Variants in TRIM33 observed in about 807,000 individuals in gnomAD.
TRIM33 encodes the protein tripartite motif containing 33.
Under a neutral mutation model 125.4 loss-of-function variants are expected in TRIM33, and 20 were observed. The ratio of observed to expected loss-of-function variants is 0.16; its 90% CI spans 0.11 to 0.23. The LOEUF is 0.23. TRIM33 is among the 10% of genes least tolerant of loss of function. The pLI is 1.00. For missense variants in TRIM33, 920 were observed against 1,411.4 expected (o/e 0.65, Z 5.58); for synonymous variants, 564 against 513.9 (o/e 1.10, Z -1.32).
intron 11 of TRIM33, among the ~76,000 whole-genome samples, chr1:114,417,719 C>T (rs187746507): frequency 3.6e-4 from 55 of 152,234 alleles, no homozygotes; most frequent in East Asian, 3.5e-3. Flanking sequence ...AGTGCAATGG[C>T]GCGATCTCGG....
Position 114,405,641 on chromosome 1 carries a change from T to A in TRIM33, c.2537A>T (p.Asn846Ile). ...GAGCCCTGACTGTTTGCAGCTTTCATTCATATCTGCAGGTTCAATTTTCAC... is the reference window on the plus strand; with the variant it reads ...GAGCCCTGACTGTTTGCAGCTTTCAATCATATCTGCAGGTTCAATTTTCAC... ...NHVKIEPADM[N>I]ESCKQSGLSS... The change falls in exon 15 of 20, where the codon AAT becomes ATT. Residue 846 changes from asparagine to isoleucine, a missense_variant. Coordinates refer to ENST00000358465, the MANE Select transcript of TRIM33 (RefSeq NM_015906.4). 1 of 1,614,212 alleles carries A rather than the reference T, an allele frequency of 6.2e-7. No individual in the cohort carries two copies. Among genetic ancestry groups the A allele is most frequent in the Non-Finnish European group, 8.5e-7 (1 of 1,180,018 alleles).
At chr1:114,455,654 A>T (rs903463628) in intron 4 of TRIM33, among the ~76,000 whole-genome samples, 4 of 152,234 alleles carry the variant, frequency 2.6e-5, no homozygotes, top group Non-Finnish European at 4.4e-5. Context: ...AATTGAACAC[A>T]GATGGAATTG....
intron 1 of TRIM33, among the ~76,000 whole-genome samples, chr1:114,470,669 A>C (rs1341236285): frequency 6.6e-6 from 1 of 152,196 alleles, no homozygotes; most frequent in African/African-American, 2.4e-5. Context: ...CAACAAGTCA[A>C]ACATCTCCTA....
At chr1:114,479,852 G>A (rs938841927) in intron 1 of TRIM33, among the ~76,000 whole-genome samples, 1 of 151,960 alleles carries the variant, frequency 6.6e-6, no homozygotes, top group African/African-American at 2.4e-5. Context: ...TGCCCCGTCC[G>A]GGAGGGAGGA....
chr1:114,442,476 G>T (rs910545674), intron 4 of TRIM33, among the ~76,000 whole-genome samples: 4 of 152,002 alleles, frequency 2.6e-5, no homozygotes, highest in African/African-American at 7.3e-5. Context: ...GATCACCTGA[G>T]GTCAGGAGTT....
rs112695611 is a variant in TRIM33 at position 114,481,746 on chromosome 1, G to T, written c.527-17358C>A. ...TTTTTCCTCCCCATGGGATACAGCT[G>T]AAAGAGTGCTTAAACATTTATTTTT... On this transcript the variant is annotated intron_variant, in intron 1 of 19. Transcript: ENST00000358465. 4.4e-3 allele frequency among the ~76,000 whole-genome samples: 661 copies of T among 151,280 alleles called. 2 individuals are homozygous for T. The highest frequency in any genetic ancestry group is 0.015 in the African/African-American group (612 of 41,232).
chr1:114,445,768 A>G (rs1167461569), intron 4 of TRIM33, among the ~76,000 whole-genome samples: 1 of 152,226 alleles, frequency 6.6e-6, no homozygotes, highest in African/African-American at 2.4e-5. Flanking sequence ...GCCAGAATAC[A>G]AAGTAGTAAT....
Position 114,394,352 on chromosome 1 carries a change from A to G in TRIM33, c.*3296T>C, listed in dbSNP as rs1293394760. ...ATTTTGGATAGTAAGAGACCATTTA[A>G]TAACATACAGTAGGCCACAATCCAA... On this transcript the variant is annotated 3_prime_UTR_variant, in exon 20 of 20. Transcript: ENST00000358465. 1.3e-5 allele frequency: 3 copies of G among 225,586 alleles called. No homozygotes were observed. Among genetic ancestry groups the G allele is most frequent in the Admixed American group, 5.7e-5 (1 of 17,472 alleles). 14.0% of individuals were successfully genotyped at this position (225,586 alleles called of 1,614,324 possible).
intron 6 of TRIM33, among the ~76,000 whole-genome samples, chr1:114,430,250 TG>T (rs1232250108): frequency 1.3e-5 from 2 of 152,080 alleles, no homozygotes; most frequent in Non-Finnish European, 2.9e-5. Flanking sequence ...TTTCTTTTTC[TG>T]TTTTTCATTT....
chr1:114,439,175 G>C (rs551030632), intron 4 of TRIM33, among the ~76,000 whole-genome samples: 1 of 152,150 alleles, frequency 6.6e-6, no homozygotes, highest in East Asian at 1.9e-4. Flanking sequence ...CTTTTCTCCT[G>C]TAATATCTAA....
In TRIM33 at chr1:114,427,196, T is replaced by C; in HGVS notation, c.1401A>G (p.Ala467=). ...IRFHCDPTFW[A]KNVVNLGNLV... is the part of the protein sequence containing the mutation. ...TCTCACCTAAATTGACTACATTCTT[T>C]GCCCAGAAGGTGGGATCACAATGGA... Residue 467 remains alanine (A), a synonymous_variant, in exon 8 of 20, where the codon GCA becomes GCG. Transcript: ENST00000358465. 1 of 1,575,384 alleles carries C rather than the reference T, an allele frequency of 6.3e-7. No homozygotes were observed. Among genetic ancestry groups the C allele is most frequent in the Non-Finnish European group, 8.7e-7 (1 of 1,148,982 alleles).
In TRIM33 at chr1:114,510,221, C is replaced by A. The variant is rs527542280; in HGVS notation, c.526+330G>T. Among the ~76,000 whole-genome samples, 14 of 152,284 alleles carry A rather than the reference C, an allele frequency of 9.2e-5. No individual in the cohort carries two copies. The South Asian group carries it at 2.7e-3, about 29-fold the overall frequency. On this transcript the variant is annotated intron_variant, in intron 1 of 19. Transcript: ENST00000358465. The stretch of plus-strand genomic sequence containing the variant: ...TTTCAGCCAAAACGCTTCCTCACAA[C>A]GTGTTTCCCAAATCCCCCTTCTCTC...
In TRIM33 at chr1:114,469,309, G is replaced by A. The variant is rs560094621; in HGVS notation, c.527-4921C>T. ...ATTTGCTAATCACTGATTTTACAAC[G>A]TGTGTTGTGGAGATTTGGCGGGACA... On this transcript the variant is annotated intron_variant, in intron 1 of 19. Transcript: ENST00000358465. 1.1e-4 allele frequency: 21 copies of A among 184,098 alleles called. No homozygotes were observed. In the South Asian group the frequency reaches 2.9e-3, roughly 26 times the overall value. 11.4% of individuals were successfully genotyped at this position (184,098 alleles called of 1,614,324 possible).
At chr1:114,482,569 CA>C (rs1006582242) in intron 1 of TRIM33, among the ~76,000 whole-genome samples, 1 of 152,122 alleles carries the variant, frequency 6.6e-6, no homozygotes, top group African/African-American at 2.4e-5. Flanking sequence ...TAAGACTTAA[CA>C]AGAGATCCTG....
chr1:114,473,700 T>A (rs370340233), intron 1 of TRIM33, among the ~76,000 whole-genome samples: 1 of 152,096 alleles, frequency 6.6e-6, no homozygotes, highest in Non-Finnish European at 1.5e-5. Context: ...TGACATTGAT[T>A]CTTTGAAGAG....
chr1:114,504,358 G>A (rs1389771543), intron 1 of TRIM33, among the ~76,000 whole-genome samples: 2 of 151,908 alleles, frequency 1.3e-5, no homozygotes, highest in South Asian at 2.1e-4. Context: ...TGTAGACACA[G>A]GGTTTCATCA....
chr1:114,430,329 T>G (rs1477099985), intron 6 of TRIM33, among the ~76,000 whole-genome samples: 1 of 152,124 alleles, frequency 6.6e-6, no homozygotes, highest in Non-Finnish European at 1.5e-5. Context: ...ATTGCAGCCT[T>G]GACCTCCCGG....
intron 1 of TRIM33, chr1:114,469,250 G>A: frequency 4.9e-6 from 1 of 202,524 alleles, no homozygotes; most frequent in East Asian, 1.2e-4. Context: ...ACTGTCATGG[G>A]CAAGCAAGCA....
In TRIM33 at chr1:114,441,738, G is replaced by A. The variant is rs75306349; in HGVS notation, c.924-8005C>T. On this transcript the variant is annotated intron_variant, in intron 4 of 19. Transcript: ENST00000358465. ...ACCCATCTGCCCTCTTTGCCAAATG[G>A]GTAACTTTTATCTGTGAAACTAACG... is the stretch of plus-strand genomic sequence containing the variant. 4.3e-3 allele frequency among the ~76,000 whole-genome samples: 655 copies of A among 152,176 alleles called. 2 individuals are homozygous for A. The highest frequency in any genetic ancestry group is 0.015 in the African/African-American group (604 of 41,516).
Sources: gnomAD v4.1 joint callset for allele counts (sites outside exome capture counted in the v4.1 genomes callset) on GRCh38, gnomAD v4.1.1 for gene constraint, MANE v1.5 for transcripts, NCBI Gene and HGNC (gene_info 2026-07-23, HGNC 2026-07-21) for gene names.